The following RARB variants were observed in gnomAD, a reference collection of about 807,000 sequenced individuals.
RARB encodes retinoic acid receptor beta.
A neutral mutation model predicts 51.9 loss-of-function variants in RARB; 17 were observed. That is an observed-to-expected ratio of 0.33 (90% CI 0.22 to 0.49). The LOEUF (loss-of-function observed/expected upper bound fraction) is 0.49, where lower values mean the gene tolerates loss of function less well. RARB is among the 20% of genes least tolerant of loss of function. The probability of loss-of-function intolerance (pLI) is 0.99; values close to 1 mark genes in which losing one functional copy is unlikely to be tolerated. For missense variants in RARB, 369 were observed against 550.8 expected (o/e 0.67, Z 3.30); for synonymous variants, 215 against 195.4 (o/e 1.10, Z -0.84).
intron 2 of RARB, among the ~76,000 whole-genome samples, chr3:24,924,460 G>C (rs1433388821): frequency 6.6e-6 from 1 of 152,168 alleles, no homozygotes; most frequent in East Asian, 1.9e-4. Context: ...CCACTAGCTA[G>C]ATATGGCTGC....
At chr3:25,093,518 T>C (rs941693678) in intron 3 of RARB, among the ~76,000 whole-genome samples, 1 of 152,142 alleles carries the variant, frequency 6.6e-6, no homozygotes, top group East Asian at 1.9e-4. Context: ...AGAGCACATT[T>C]TTAAAGCTAA....
chr3:25,313,583 C>T (rs772433476), intron 5 of RARB, among the ~76,000 whole-genome samples: 16 of 152,142 alleles, frequency 1.1e-4, no homozygotes, highest in Admixed American at 1.3e-4. Flanking sequence ...TAATTGGCTC[C>T]CAGATCTCTT....
At chr3:25,439,747 C>A (rs928127732) in intron 1 of RARB, among the ~76,000 whole-genome samples, 1 of 152,118 alleles carries the variant, frequency 6.6e-6, no homozygotes, top group African/African-American at 2.4e-5. Context: ...TTTCATATAC[C>A]GTATTCTACC....
intron 2 of RARB, among the ~76,000 whole-genome samples, chr3:25,049,986 A>G (rs1698293757): frequency 6.6e-6 from 1 of 152,200 alleles, no homozygotes; most frequent in Non-Finnish European, 1.5e-5. Context: ...ACCTAGGAAG[A>G]TGATACTATT....
chr3:25,191,536 C>T (rs1174629902), intron 5 of RARB, among the ~76,000 whole-genome samples: 2 of 151,924 alleles, frequency 1.3e-5, no homozygotes, highest in African/African-American at 4.8e-5. Context: ...CAAAAATGGA[C>T]AGCTATGAAT....
intron 2 of RARB, among the ~76,000 whole-genome samples, chr3:24,897,885 G>A (rs192672530): frequency 8.9e-4 from 136 of 151,982 alleles, no homozygotes; most frequent in South Asian, 4.1e-4. Context: ...GAAGACATTT[G>A]CCAAATACAG....
chr3:25,463,611 C>T (rs1253013203), intron 2 of RARB, among the ~76,000 whole-genome samples: 1 of 151,160 alleles, frequency 6.6e-6, no homozygotes, highest in Non-Finnish European at 1.5e-5. Flanking sequence ...TGCAGTAAGC[C>T]GAGATCGCGC....
intron 5 of RARB, among the ~76,000 whole-genome samples, chr3:25,284,748 C>G (rs1436120978): frequency 6.6e-6 from 1 of 152,184 alleles, no homozygotes; most frequent in Non-Finnish European, 1.5e-5. Context: ...TGAGTTTGAA[C>G]TGCGCAAGTC....
chr3:25,471,341 T>C (rs1019829721), intron 2 of RARB, among the ~76,000 whole-genome samples: 14 of 152,216 alleles, frequency 9.2e-5, no homozygotes, highest in African/African-American at 3.4e-4. Flanking sequence ...CTGTTAGTGC[T>C]TTAAGAAAAA....
chr3:25,005,552 T>A (rs909809642), intron 2 of RARB, among the ~76,000 whole-genome samples: 7 of 152,096 alleles, frequency 4.6e-5, no homozygotes, highest in African/African-American at 1.4e-4. Context: ...GTAACTGGCT[T>A]CCCAAGAGCA....
At chr3:25,580,274 T>A (rs1395115488) in intron 4 of RARB, among the ~76,000 whole-genome samples, 2 of 152,174 alleles carry the variant, frequency 1.3e-5, no homozygotes, top group African/African-American at 4.8e-5. Flanking sequence ...CTTGGGAAGC[T>A]GAGGCAGGAG....
rs1485601684 is a variant in RARB, at chr3:25,162,969, C to A, written c.-279-11150C>A. 2.6e-5 allele frequency among the ~76,000 whole-genome samples: 4 copies of A among 152,194 alleles called. No individual in the cohort carries two copies. In the South Asian group the frequency reaches 8.3e-4, roughly 32 times the overall value. On this transcript the variant is annotated intron_variant, in intron 4 of 11. Transcript: ENST00000383772. ...GAAATTACTGGGTTATATGGTAGTT[C>A]CATGTTTAACTTTTTGAGGACCTGC...
intron 3 of RARB, among the ~76,000 whole-genome samples, chr3:25,079,741 A>AG (rs916351678): frequency 6.6e-6 from 1 of 152,192 alleles, no homozygotes; most frequent in African/African-American, 2.4e-5. Context: ...GTTAGTCATG[A>AG]GGTAGTATCC....
intron 5 of RARB, among the ~76,000 whole-genome samples, chr3:25,392,647 G>T (rs1446441224): frequency 6.6e-6 from 1 of 151,510 alleles, no homozygotes; most frequent in African/African-American, 2.4e-5. Flanking sequence ...TTTTTTCACA[G>T]TTGCTGTAAA....
At chr3:25,316,358 A>T (rs993565697) in intron 5 of RARB, among the ~76,000 whole-genome samples, 1 of 152,200 alleles carries the variant, frequency 6.6e-6, no homozygotes, top group African/African-American at 2.4e-5. Context: ...AAAACACAAG[A>T]TAAAATAAAT....
intron 2 of RARB, among the ~76,000 whole-genome samples, chr3:25,058,237 C>A (rs777540476): frequency 7.2e-5 from 11 of 151,806 alleles, no homozygotes; most frequent in Non-Finnish European, 1.6e-4. Flanking sequence ...TTCCCTCAGT[C>A]ATAAAGATTA....
rs370005387 is a variant in RARB at position 25,246,279 on chromosome 3, C to T, written c.178+71704C>T. ...TGGATTAGAACATGCTCCTTTAGCA[C>T]GGAGGAGTTTGTTATTACCCATCTT... On this transcript the variant is annotated intron_variant, in intron 5 of 11. Transcript: ENST00000383772. 3.2e-4 allele frequency among the ~76,000 whole-genome samples: 49 copies of T among 152,142 alleles called. No homozygotes were observed. In the South Asian group the frequency reaches 6.9e-3, roughly 21 times the overall value.
chr3:25,343,652 C>T (rs1435179550), intron 5 of RARB, among the ~76,000 whole-genome samples: 4 of 152,066 alleles, frequency 2.6e-5, no homozygotes, highest in Non-Finnish European at 2.9e-5. Context: ...TAAATAGTTA[C>T]AGTGTTTGAT....
At chr3:25,456,086 G>T (rs960707461) in intron 1 of RARB, among the ~76,000 whole-genome samples, 2 of 152,202 alleles carry the variant, frequency 1.3e-5, no homozygotes, top group African/African-American at 4.8e-5. Context: ...TGAGCCGGCA[G>T]AGTTTTCAAG....
Sources: allele counts gnomAD v4.1 joint callset (sites outside exome capture counted in the v4.1 genomes callset), GRCh38; gene constraint gnomAD v4.1.1; transcripts MANE v1.5; gene names NCBI Gene and HGNC (gene_info 2026-07-23, HGNC 2026-07-21).